ANKRD30A: variants seen among roughly 807,000 people sequenced by gnomAD.
ANKRD30A encodes the protein ankyrin repeat domain 30A, also known as ankyrin repeat domain-containing protein 30A.
Under a neutral mutation model 166.3 loss-of-function variants are expected in ANKRD30A, and 170 were observed. The observed-to-expected ratio is 1.02, with a 90% CI of 0.90 to 1.16. ANKRD30A has a LOEUF of 1.16. Among genes scored for constraint, ANKRD30A ranks in the 50% most tolerant of loss-of-function variants. The pLI, the probability that ANKRD30A is intolerant of heterozygous loss-of-function variation, is 0.00. For missense variants in ANKRD30A, 1,630 were observed against 1,518.0 expected, an observed-to-expected ratio of 1.07 and a Z score of -1.23; for synonymous variants, 564 against 508.9, an observed-to-expected ratio of 1.11 and a Z score of -1.46.
At chr10:37,214,461 A>G (rs1348407409) in intron 31 of ANKRD30A, among the ~76,000 whole-genome samples, 2 of 150,892 alleles carry the variant, frequency 1.3e-5, no homozygotes, top group African/African-American at 4.8e-5. Context: ...TATTAGTTCC[A>G]GATCTTCTTT....
chr10:37,195,958 A>C (rs987641551), intron 27 of ANKRD30A, among the ~76,000 whole-genome samples: 20 of 152,170 alleles, frequency 1.3e-4, no homozygotes, highest in Non-Finnish European at 2.5e-4. Flanking sequence ...GAGAAGAAGA[A>C]GGAAAAGATA....
intron 25 of ANKRD30A, 152 bp from the exon 26 acceptor site, chr10:37,192,912 C>T: frequency 6.8e-7 from 1 of 1,476,378 alleles, no homozygotes; most frequent in Non-Finnish European, 9.4e-7. Flanking sequence ...GGCATGATAA[C>T]AAATACAGTA....
intron 3 of ANKRD30A, among the ~76,000 whole-genome samples, chr10:37,130,890 C>G (rs1262597870): frequency 7.2e-5 from 11 of 152,096 alleles, no homozygotes; most frequent in Non-Finnish European, 1.6e-4. Flanking sequence ...CCTCTTTTGC[C>G]TCTGTAAATA....
intron 8 of ANKRD30A, among the ~76,000 whole-genome samples, chr10:37,146,179 AC>A (rs1359903245): frequency 6.1e-5 from 9 of 148,368 alleles, no homozygotes; most frequent in Admixed American, 4.8e-4. Context: ...ACTTTCTAAT[AC>A]TTGATTGCTT....
intron 8 of ANKRD30A, among the ~76,000 whole-genome samples, chr10:37,147,157 C>A (rs74723478): frequency 7.1e-6 from 1 of 141,716 alleles, no homozygotes; most frequent in Non-Finnish European, 1.6e-5. Flanking sequence ...GCTCAGTAAC[C>A]GAGTCAATAG....
chr10:37,141,390 G>A (rs868565889), intron 6 of ANKRD30A, among the ~76,000 whole-genome samples: 17 of 151,846 alleles, frequency 1.1e-4, no homozygotes, highest in African/African-American at 1.7e-4. Flanking sequence ...TGACTAACAT[G>A]GTGAAACCCG....
Position 37,191,366 on chromosome 10 carries a change from C to A in ANKRD30A, c.2513-1698C>A, listed in dbSNP as rs186193594. Reference sequence around the variant, plus strand: ...TTTTTCTGATGAGATGTCAATTCTACATTCAGCTGAACTCTCATCCGAACT... The same window carrying A: ...TTTTTCTGATGAGATGTCAATTCTAAATTCAGCTGAACTCTCATCCGAACT... On this transcript the variant is annotated intron_variant, in intron 25 of 35. Coordinates refer to ENST00000361713, the MANE Select transcript of ANKRD30A (RefSeq NM_052997.3). Among the ~76,000 whole-genome samples the A allele has an allele frequency of 6.8e-4, 104 of 152,126 alleles. 4 individuals carry two copies. In the East Asian group the frequency reaches 0.015, roughly 22 times the overall value.
chr10:37,141,634 G>A (rs1384042174), intron 6 of ANKRD30A, 84 bp from the exon 7 acceptor site: 3 of 1,410,808 alleles, frequency 2.1e-6, no homozygotes, highest in East Asian at 2.4e-5. Context: ...AAAGCATACA[G>A]AATGAGTAGA....
chr10:37,256,902 C>T, the ANKRD30A span, among the ~76,000 whole-genome samples: 1 of 152,104 alleles, frequency 6.6e-6, no homozygotes, highest in South Asian at 2.1e-4. Flanking sequence ...TGATGTTGGC[C>T]TCATAAAATG....
chr10:37,134,603 T>G (rs1363169039), intron 5 of ANKRD30A, among the ~76,000 whole-genome samples: 1 of 152,202 alleles, frequency 6.6e-6, no homozygotes, highest in African/African-American at 2.4e-5. Context: ...TACAGTTTTT[T>G]AAAGTTCACA....
chr10:37,202,375 T>C (rs955101950), intron 31 of ANKRD30A, among the ~76,000 whole-genome samples: 14 of 152,204 alleles, frequency 9.2e-5, no homozygotes, highest in African/African-American at 2.9e-4. Context: ...AACAACCTCC[T>C]CCAGAATGAC....
intron 31 of ANKRD30A, among the ~76,000 whole-genome samples, chr10:37,211,980 A>G (rs1010253471): frequency 8.6e-5 from 13 of 151,556 alleles, no homozygotes; most frequent in African/African-American, 1.2e-4. Flanking sequence ...TTGATGGTTC[A>G]CCACTCCTAT....
At chr10:37,139,890 C>A (rs1024291161) in intron 6 of ANKRD30A, among the ~76,000 whole-genome samples, 1 of 152,106 alleles carries the variant, frequency 6.6e-6, no homozygotes, top group Admixed American at 6.5e-5. Context: ...TGCTGATCCC[C>A]CATGCAGCTG....
chr10:37,163,176 C>T (rs1288178782), intron 17 of ANKRD30A, among the ~76,000 whole-genome samples: 1 of 140,496 alleles, frequency 7.1e-6, no homozygotes, highest in Non-Finnish European at 1.5e-5. Context: ...CTCTTCGAAG[C>T]TTGATTCAAA....
At position 37,158,574 on chromosome 10, in the gene ANKRD30A, A is replaced by C. The variant is rs891103454; in HGVS notation, c.1888A>C (p.Thr630Pro). The change falls in exon 15 of 36, where the codon ACT becomes CCT. Residue 630 changes from threonine (T) to proline (P), a missense_variant. Thr to Pro is a conservative substitution (Grantham distance 38). Coordinates refer to ENST00000361713, the MANE Select transcript of ANKRD30A (RefSeq NM_052997.3). ...TKALELKDMQ[T>P]FKAEPPGKPS... ...AGCCTTAGAATTGAAGGACATGCAAACTTTCAAAGCAGGTAAATTTTGTAA... is the reference window on the plus strand; with the variant it reads ...AGCCTTAGAATTGAAGGACATGCAACCTTTCAAAGCAGGTAAATTTTGTAA... The C allele has an allele frequency of 2.5e-6, 4 of 1,613,028 alleles. No individual in the cohort carries two copies. Among genetic ancestry groups the C allele is most frequent in the Admixed American group, 1.7e-5 (1 of 59,954 alleles).
chr10:37,223,879 G>T (rs1249709324), intron 34 of ANKRD30A, among the ~76,000 whole-genome samples: 1 of 150,830 alleles, frequency 6.6e-6, no homozygotes, highest in Admixed American at 6.6e-5. Flanking sequence ...ATCTCTGGAG[G>T]ATAATTTGGA....
intron 19 of ANKRD30A, among the ~76,000 whole-genome samples, chr10:37,167,068 G>A: frequency 6.6e-6 from 1 of 152,104 alleles, no homozygotes; most frequent in South Asian, 2.1e-4. Flanking sequence ...TGATTGTTTA[G>A]GAAAGATCGG....
At chr10:37,159,257 C>G (rs1838639698) in intron 15 of ANKRD30A, among the ~76,000 whole-genome samples, 1 of 152,154 alleles carries the variant, frequency 6.6e-6, no homozygotes, top group African/African-American at 2.4e-5. Flanking sequence ...TGACACGTGC[C>G]TGTAATCCTA....
At chr10:37,240,762 T>A in the ANKRD30A span, 1 of 152,134 alleles carries the variant, frequency 6.6e-6, no homozygotes, top group Non-Finnish European at 1.5e-5. Context: ...ACCCAAAACC[T>A]GGATGTCCTA....
Sources: allele counts gnomAD v4.1 joint callset (sites outside exome capture counted in the v4.1 genomes callset), GRCh38; gene constraint gnomAD v4.1.1; transcripts MANE v1.5; gene names NCBI Gene and HGNC (gene_info 2026-07-23, HGNC 2026-07-21).